HEATR6: variants seen among roughly 807,000 people sequenced by gnomAD.
The protein encoded by HEATR6 is HEAT repeat containing 6.
A neutral mutation model predicts 132.8 loss-of-function variants in HEATR6; 106 were observed. The ratio of observed to expected loss-of-function variants is 0.80; its 90% CI spans 0.68 to 0.94. The LOEUF is 0.94. HEATR6 is among the 40% of genes least tolerant of loss of function. The pLI is 0.00. For synonymous variants in HEATR6, 529 were observed against 537.8 expected (o/e 0.98, Z 0.23); for missense variants, 1,339 against 1,425.1 (o/e 0.94, Z 0.97).
At chr17:60,061,188 C>A (rs1460560438) in intron 9 of HEATR6, among the ~76,000 whole-genome samples, 1 of 152,170 alleles carries the variant, frequency 6.6e-6, no homozygotes, top group Non-Finnish European at 1.5e-5. Flanking sequence ...AATAGTTACT[C>A]AATATGAAGC....
At position 60,046,221 on chromosome 17, in the gene HEATR6, GCTTTTTAC is replaced by G; in HGVS notation, c.2770_2777del (p.Val924GlnfsTer28). 1 of 1,593,384 alleles carries G rather than the reference GCTTTTTAC, an allele frequency of 6.3e-7. No homozygotes were observed. The highest frequency in any genetic ancestry group is 1.8e-5 in the Admixed American group (1 of 55,284). On this transcript the variant is annotated frameshift_variant and splice_region_variant, in exon 19 of 20. Transcript: ENST00000184956. LOFTEE classifies it high-confidence loss of function. ...AATTTCCAAGGGCCCGGACTGCATT[GCTTTTTAC>G]CTAGAAAAAATGTAAATGCTTTAGA...
chr17:60,054,704 A>G (rs1353603190), intron 14 of HEATR6, among the ~76,000 whole-genome samples: 1 of 152,230 alleles, frequency 6.6e-6, no homozygotes. Context: ...CCACCATTGT[A>G]TCTTAAAAAT....
intron 1 of HEATR6, among the ~76,000 whole-genome samples, chr17:60,078,154 T>C (rs1179848383): frequency 6.6e-6 from 1 of 152,166 alleles, no homozygotes; most frequent in Non-Finnish European, 1.5e-5. Flanking sequence ...AATTCATTAA[T>C]TTAAGGCCTG....
intron 12 of HEATR6, 54 bp downstream of exon 12, chr17:60,056,994 C>G (rs1318721230): frequency 7.3e-7 from 1 of 1,371,686 alleles, no homozygotes; most frequent in African/African-American, 1.4e-5. Context: ...CACAGTCACT[C>G]TGAAGGAGGA....
Position 60,071,369 on chromosome 17 carries a change from A to G in HEATR6, c.700-562T>C, listed in dbSNP as rs113093307. On this transcript the variant is annotated intron_variant, in intron 5 of 19. Transcript: ENST00000184956. ...GTTTGAAATAGTGGGAAAATTTTAA[A>G]AACTTCAATTTTGATGATTATGATA... 8.5e-3 allele frequency among the ~76,000 whole-genome samples: 1,295 copies of G among 152,318 alleles called. 10 individuals carry two copies. The highest frequency in any genetic ancestry group is 0.014 in the Admixed American group (210 of 15,302).
chr17:60,049,759 G>A (rs938721888), intron 15 of HEATR6, 57 bp from the exon 16 acceptor site: 28 of 1,581,128 alleles, frequency 1.8e-5, no homozygotes, highest in Non-Finnish European at 2.3e-5. Context: ...CAAGCCAAAG[G>A]CTTCCATAAA....
intron 9 of HEATR6, among the ~76,000 whole-genome samples, chr17:60,062,628 T>G (rs1408505473): frequency 6.6e-6 from 1 of 152,196 alleles, no homozygotes; most frequent in East Asian, 1.9e-4. Context: ...GCAGGGCACA[T>G]GACTGTTCAC....
intron 1 of HEATR6, among the ~76,000 whole-genome samples, chr17:60,077,712 A>G (rs541958080): frequency 1.3e-5 from 2 of 152,332 alleles, no homozygotes; most frequent in East Asian, 3.9e-4. Flanking sequence ...CCTCCTAAAG[A>G]AAAGATCATT....
In HEATR6 at chr17:60,047,354, C is replaced by T. The variant is rs1358505512; in HGVS notation, c.2724G>A (p.Leu908=). 6.8e-6 allele frequency: 11 copies of T among 1,613,318 alleles called. No individual in the cohort carries two copies. Among genetic ancestry groups the T allele is most frequent in the Admixed American group, 1.7e-5 (1 of 59,888 alleles). Residue 908 remains leucine, a synonymous_variant, in exon 18 of 20, where the codon TTG becomes TTA. Transcript: ENST00000184956. The part of the protein sequence containing the change: ...FQEEFSGLLL[L]KMLRSAIEAS... Reference sequence around the variant, plus strand: ...CTTCTATAGCTGATCGTAACATTTTCAAGAGCAGGAGACCAGAGAACTCTT... The same window carrying T: ...CTTCTATAGCTGATCGTAACATTTTTAAGAGCAGGAGACCAGAGAACTCTT...
At position 60,066,323 on chromosome 17, in the gene HEATR6, T is replaced by C. The variant is rs748643840; in HGVS notation, c.1302A>G (p.Ile434Met). ...LVCFLSTIKSIEKKVLYGYWS... is the reference protein window; with the variant it reads ...LVCFLSTIKSMEKKVLYGYWS... Reference sequence around the variant, plus strand: ...AGTAGCCATAAAGAACTTTTTTTTCTATCGATTTTATAGTAGAAAGAAAAC... The same window carrying C: ...AGTAGCCATAAAGAACTTTTTTTTCCATCGATTTTATAGTAGAAAGAAAAC... Residue 434 changes from isoleucine (I) to methionine (M), a missense_variant, in exon 9 of 20, where the codon ATA (isoleucine) becomes ATG (methionine). Coordinates refer to ENST00000184956, the MANE Select transcript of HEATR6 (RefSeq NM_022070.5). The C allele has an allele frequency of 6.2e-7, 1 of 1,613,926 alleles. No individual in the cohort carries two copies. The highest frequency in any genetic ancestry group is 8.5e-7 in the Non-Finnish European group (1 of 1,179,872).
At position 60,072,291 on chromosome 17, in the gene HEATR6, T is replaced by C. The variant is rs116462093; in HGVS notation, c.623A>G (p.Asn208Ser). ...GQPYLEEPYQ[N>S]VCFQAFLTIL... ...AGTCAGAAAAGCTTGGAAACAGACA[T>C]TTTGGTAGGGCTCCTCCAAATACGG... The change falls in exon 5 of 20, where the codon AAT (asparagine) becomes AGT (serine). Residue 208 changes from asparagine (N) to serine (S), a missense_variant. Physicochemically the swap from Asn to Ser is conservative, Grantham distance 46. Transcript: ENST00000184956. 5.3e-5 allele frequency: 86 copies of C among 1,611,578 alleles called. No homozygotes were observed. The East Asian group carries it at 1.9e-3, about 35-fold the overall frequency.
At chr17:60,067,315 C>A in intron 8 of HEATR6, 119 bp downstream of exon 8, 14 of 498,570 alleles carry the variant, frequency 2.8e-5, no homozygotes, top group Non-Finnish European at 4.1e-5. Context: ...TTCTGAATAA[C>A]ACCATGCCCC....
chr17:60,046,431 T>C (rs1906369927), intron 18 of HEATR6, among the ~76,000 whole-genome samples: 1 of 152,162 alleles, frequency 6.6e-6, no homozygotes, highest in Non-Finnish European at 1.5e-5. Context: ...TATTTATTTA[T>C]TTATTTTATT....
intron 5 of HEATR6, among the ~76,000 whole-genome samples, chr17:60,071,618 G>C (rs1440237678): frequency 6.6e-6 from 1 of 152,098 alleles, no homozygotes; most frequent in Non-Finnish European, 1.5e-5. Context: ...AACAGGAACC[G>C]AATAGATGTC....
chr17:60,050,884 C>G lies in HEATR6; in HGVS notation c.2383G>C (p.Ala795Pro), dbSNP rs1213244326. The part of the protein sequence containing the change: ...HPTLQASACD[A>P]LSSILPEAFS... The stretch of plus-strand genomic sequence containing the variant: ...GCCTCTGGCAAGATGGAAGACAGGG[C>G]ATCACAGGCGCTCGCCTGGAGAGTT... The change falls in exon 15 of 20, where the codon GCC becomes CCC. Residue 795 changes from alanine (A) to proline (P), a missense_variant. By Grantham distance (27) the Ala-to-Pro change is conservative (BLOSUM62 -1). Coordinates refer to ENST00000184956, the MANE Select transcript of HEATR6 (RefSeq NM_022070.5). 6.2e-7 allele frequency: 1 copy of G among 1,614,210 alleles called. No homozygotes were observed. The highest frequency in any genetic ancestry group is 2.2e-5 in the East Asian group (1 of 44,884).
At chr17:60,070,596 T>C (rs918423089) in intron 6 of HEATR6, 110 bp downstream of exon 6, 2 of 516,782 alleles carry the variant, frequency 3.9e-6, no homozygotes, top group South Asian at 7.9e-5. Flanking sequence ...TCAAAATATA[T>C]GTAAGAACTT....
intron 16 of HEATR6, among the ~76,000 whole-genome samples, chr17:60,048,998 A>ATAT (rs915387531): frequency 3.1e-5 from 4 of 128,460 alleles, no homozygotes; most frequent in Non-Finnish European, 6.5e-5. Flanking sequence ...ATATATATAT[A>ATAT]TATATATATA....
chr17:60,067,206 C>A (rs1413267661), intron 8 of HEATR6, among the ~76,000 whole-genome samples: 16 of 144,488 alleles, frequency 1.1e-4, no homozygotes, highest in Non-Finnish European at 1.2e-4. Flanking sequence ...GGAGGCGGAG[C>A]TTGCAGTGAG....
intron 9 of HEATR6, among the ~76,000 whole-genome samples, chr17:60,065,876 CTTA>C (rs2083237831): frequency 2.0e-5 from 3 of 152,128 alleles, no homozygotes; most frequent in Non-Finnish European, 4.4e-5. Flanking sequence ...CTGATGTTTT[CTTA>C]TTATAAATAC....
Sources: gnomAD v4.1 joint callset for allele counts (sites outside exome capture counted in the v4.1 genomes callset) on GRCh38, gnomAD v4.1.1 for gene constraint, MANE v1.5 for transcripts, NCBI Gene and HGNC (gene_info 2026-07-23, HGNC 2026-07-21) for gene names.